The following NEK10 variants were observed in gnomAD, a reference collection of about 807,000 sequenced individuals.
NEK10 encodes NIMA related kinase 10.
Under a neutral mutation model 159.8 loss-of-function variants are expected in NEK10, and 122 were observed. The observed-to-expected ratio is 0.76, with a 90% CI of 0.66 to 0.89. The LOEUF is 0.89. NEK10 is among the 40% of genes least tolerant of loss of function. NEK10 has a pLI of 0.00. For missense variants in NEK10, 1,342 were observed against 1,323.1 expected (o/e 1.01, Z -0.22); for synonymous variants, 466 against 457.1 (o/e 1.02, Z -0.25).
At chr3:27,196,452 T>C (rs1949567309) in intron 25 of NEK10, among the ~76,000 whole-genome samples, 1 of 152,174 alleles carries the variant, frequency 6.6e-6, no homozygotes, top group South Asian at 2.1e-4. Context: ...AAGTAATTAC[T>C]ACTGCTACCC....
rs950070824 is a variant in NEK10, at chr3:27,225,850, C to T, written c.2091-23293G>A. Among the ~76,000 whole-genome samples, 50 of 84,118 alleles carry T rather than the reference C, an allele frequency of 5.9e-4. No individual in the cohort carries two copies. In the African/African-American group the frequency reaches 6.5e-3, roughly 11 times the overall value. 55.2% of individuals were successfully genotyped at this position (84,118 alleles called of 152,430 possible). ...AAGTCACATGGTTGTGTTTCAGCTG[C>T]AAGGAGGCTAAGATTACACATTTTT... On this transcript the variant is annotated intron_variant, in intron 23 of 35. Transcript: ENST00000691995.
At position 27,162,001 on chromosome 3, in the gene NEK10, T is replaced by A. The variant is rs1213091859; in HGVS notation, c.2869+700A>T. ...GCCTGGGTGACAAAGTGAGATTCTGTCTCAAAAAAAAAAAGAAAAGAAAAG... is the reference window on the plus strand; with the variant it reads ...GCCTGGGTGACAAAGTGAGATTCTGACTCAAAAAAAAAAAGAAAAGAAAAG... On this transcript the variant is annotated intron_variant, in intron 30 of 35. Transcript: ENST00000691995. 2.0e-5 allele frequency among the ~76,000 whole-genome samples: 3 copies of A among 150,286 alleles called. No individual in the cohort carries two copies. In the East Asian group the frequency reaches 5.9e-4, roughly 29 times the overall value.
intron 1 of NEK10, among the ~76,000 whole-genome samples, chr3:27,367,756 A>G (rs1411336382): frequency 6.6e-6 from 1 of 152,242 alleles, no homozygotes; most frequent in Non-Finnish European, 1.5e-5. Flanking sequence ...ACAGTAATCA[A>G]GCAACATACA....
intron 30 of NEK10, among the ~76,000 whole-genome samples, chr3:27,149,365 T>C (rs923527914): frequency 6.6e-6 from 1 of 152,210 alleles, no homozygotes; most frequent in Non-Finnish European, 1.5e-5. Context: ...TGTTGCTTTT[T>C]TTAAATTTTT....
chr3:27,197,613 GGTTTT>G (rs1486211334), intron 25 of NEK10, among the ~76,000 whole-genome samples: 3 of 152,078 alleles, frequency 2.0e-5, no homozygotes, highest in Non-Finnish European at 4.4e-5. Context: ...TTTGCACATT[GGTTTT>G]GTATCCTGCA....
At chr3:27,322,073 G>A (rs2045679704) in intron 6 of NEK10, 104 bp downstream of exon 6, 1 of 631,624 alleles carries the variant, frequency 1.6e-6, no homozygotes, top group Admixed American at 2.9e-5. Context: ...AGTTGTGAGA[G>A]AGAAAACAAA....
At chr3:27,342,216 C>T (rs2047247872) in intron 5 of NEK10, among the ~76,000 whole-genome samples, 2 of 152,008 alleles carry the variant, frequency 1.3e-5, no homozygotes, top group Non-Finnish European at 2.9e-5. Flanking sequence ...AAGCCTTCAA[C>T]CCAACACTAA....
At chr3:27,144,920 C>A (rs937208752) in intron 30 of NEK10, among the ~76,000 whole-genome samples, 27 of 152,062 alleles carry the variant, frequency 1.8e-4, no homozygotes, top group African/African-American at 6.5e-4. Context: ...CAGGGTTTCA[C>A]CACATTGGAC....
chr3:27,226,197 A>AT (rs11328346), intron 23 of NEK10, among the ~76,000 whole-genome samples: 2,256 of 142,926 alleles, frequency 0.016, 34 homozygotes, highest in African/African-American at 0.044. Context: ...ACGCCCGGCT[A>AT]TTTTTTTTTT....
At chr3:27,169,600 T>C (rs1276810494) in intron 29 of NEK10, among the ~76,000 whole-genome samples, 2 of 152,238 alleles carry the variant, frequency 1.3e-5, no homozygotes, top group Non-Finnish European at 2.9e-5. Context: ...GATAAATGTA[T>C]CAGTGATGCA....
rs958912382 is a variant in NEK10 at position 27,128,671 on chromosome 3, G to A, written c.3081+3209C>T. 4.0e-5 allele frequency among the ~76,000 whole-genome samples: 6 copies of A among 151,474 alleles called. 1 individual carries two copies. In the South Asian group the frequency reaches 8.4e-4, roughly 21 times the overall value. On this transcript the variant is annotated intron_variant, in intron 32 of 35. Coordinates refer to ENST00000691995, the MANE Select transcript of NEK10 (RefSeq NM_001394966.1). ...TCTTTTTTGGTATTATGAACTCTTG[G>A]GTTTAAACCTTATTTAATGCTTTCA...
chr3:27,188,129 T>G (rs759202520), intron 26 of NEK10, among the ~76,000 whole-genome samples: 31 of 152,236 alleles, frequency 2.0e-4, no homozygotes, highest in Non-Finnish European at 4.0e-4. Context: ...CTGGAGTTTC[T>G]GCACTTAACG....
chr3:27,287,864 T>A, intron 19 of NEK10, 121 bp from the exon 20 acceptor site: 3 of 1,090,432 alleles, frequency 2.8e-6, no homozygotes, highest in Non-Finnish European at 3.7e-6. Flanking sequence ...TTTACAAAAC[T>A]AAGCATTTCA....
intron 32 of NEK10, among the ~76,000 whole-genome samples, chr3:27,122,139 G>T (rs1395347337): frequency 6.6e-6 from 1 of 151,902 alleles, no homozygotes; most frequent in African/African-American, 2.4e-5. Context: ...TGGATCATGG[G>T]GGTGGTTTCC....
chr3:27,319,390 C>T (rs553854904), intron 6 of NEK10, among the ~76,000 whole-genome samples: 1 of 152,342 alleles, frequency 6.6e-6, no homozygotes, highest in African/African-American at 2.4e-5. Context: ...ATAATGGAAA[C>T]TGTACTAGCA....
At chr3:27,298,099 T>C (rs1401894932) in intron 13 of NEK10, among the ~76,000 whole-genome samples, 1 of 152,166 alleles carries the variant, frequency 6.6e-6, no homozygotes, top group Non-Finnish European at 1.5e-5. Flanking sequence ...ACCCTACTCT[T>C]AACCGTTTAT....
intron 23 of NEK10, among the ~76,000 whole-genome samples, chr3:27,233,714 T>C (rs1953577007): frequency 6.6e-6 from 1 of 152,072 alleles, no homozygotes; most frequent in South Asian, 2.1e-4. Flanking sequence ...GTACCATTCC[T>C]ACTGAAACTA....
chr3:27,221,580 A>G (rs1368862094), intron 23 of NEK10, among the ~76,000 whole-genome samples: 1 of 152,230 alleles, frequency 6.6e-6, no homozygotes, highest in Non-Finnish European at 1.5e-5. Context: ...GAATTACCAT[A>G]TTGAGGAGTA....
intron 26 of NEK10, 151 bp downstream of exon 26, chr3:27,191,878 C>A (rs1225608166): frequency 1.6e-6 from 1 of 621,520 alleles, no homozygotes; most frequent in African/African-American, 1.8e-5. Flanking sequence ...ATATAAGATA[C>A]AGAAATGGAT....
Sources: allele counts gnomAD v4.1 joint callset (sites outside exome capture counted in the v4.1 genomes callset), GRCh38; gene constraint gnomAD v4.1.1; transcripts MANE v1.5; gene names NCBI Gene and HGNC (gene_info 2026-07-23, HGNC 2026-07-21).